Variants in PLEKHA6 observed in about 807,000 individuals in gnomAD.
PLEKHA6 encodes the protein pleckstrin homology domain containing A6.
Under a neutral mutation model 116.7 loss-of-function variants are expected in PLEKHA6, and 60 were observed. That is an observed-to-expected ratio of 0.51 (90% confidence interval 0.42 to 0.64). The LOEUF (loss-of-function observed/expected upper bound fraction) is 0.64. PLEKHA6 is among the 30% of genes least tolerant of loss of function. PLEKHA6 has a pLI of 0.00. For missense variants in PLEKHA6, 1,338 were observed against 1,422.7 expected, an observed-to-expected ratio of 0.94 and a Z score of 0.96; for synonymous variants, 489 against 556.1, an observed-to-expected ratio of 0.88 and a Z score of 1.70.
chr1:204,248,434 G>A (rs10900566), intron 12 of PLEKHA6, among the ~76,000 whole-genome samples: 99,497 of 151,974 alleles, frequency 0.65, 32,757 homozygotes, highest in East Asian at 0.82. Context: ...GATTATAGGC[G>A]TGAGCCACTG....
chr1:204,311,566 T>G (rs899184929), intron 1 of PLEKHA6: 33 of 955,648 alleles, frequency 3.5e-5, no homozygotes, highest in Admixed American at 6.2e-5. Flanking sequence ...GCTTCTTGAG[T>G]GTAACAAAAA....
chr1:204,332,260 G>A (rs911166387), intron 1 of PLEKHA6, among the ~76,000 whole-genome samples: 6 of 152,178 alleles, frequency 3.9e-5, no homozygotes, highest in African/African-American at 7.2e-5. Flanking sequence ...ACAGCTGCCT[G>A]CAAGCCACGC....
chr1:204,227,991 A>T, intron 21 of PLEKHA6, 92 bp downstream of exon 21: 1 of 1,304,240 alleles, frequency 7.7e-7, no homozygotes, highest in Non-Finnish European at 1.1e-6. Context: ...TCTCTTTGCT[A>T]CTGCCCCCCT....
At chr1:204,360,750 A>G (rs1179484109), upstream of PLEKHA6, among the ~76,000 whole-genome samples, 7 of 151,990 alleles carry the variant, frequency 4.6e-5, no homozygotes, top group Non-Finnish European at 7.4e-5. Flanking sequence ...CTCCTGCCCA[A>G]ATCGGTCTTG....
intron 12 of PLEKHA6, among the ~76,000 whole-genome samples, chr1:204,248,268 C>A (rs1664054594): frequency 6.8e-6 from 1 of 146,850 alleles, no homozygotes; most frequent in Non-Finnish European, 1.5e-5. Context: ...AAGCAATTCT[C>A]CTGCCTCAGC....
chr1:204,315,486 C>A (rs1197055701), intron 1 of PLEKHA6, among the ~76,000 whole-genome samples: 1 of 152,208 alleles, frequency 6.6e-6, no homozygotes, highest in Non-Finnish European at 1.5e-5. Flanking sequence ...CCCCCAGATG[C>A]CTGTTAAATC....
chr1:204,224,205 C>A (rs1017195307), intron 21 of PLEKHA6, among the ~76,000 whole-genome samples: 1 of 152,054 alleles, frequency 6.6e-6, no homozygotes, highest in Non-Finnish European at 1.5e-5. Context: ...CTGAGCAAAT[C>A]GAGACAAGCC....
chr1:204,230,255 T>A (rs1228413521), intron 18 of PLEKHA6, among the ~76,000 whole-genome samples, 158 bp downstream of exon 18: 1 of 152,264 alleles, frequency 6.6e-6, no homozygotes, highest in Non-Finnish European at 1.5e-5. Flanking sequence ...CTTCTGCCGA[T>A]GGGGGAGAGG....
intron 9 of PLEKHA6, among the ~76,000 whole-genome samples, chr1:204,254,193 C>T (rs997828741): frequency 6.6e-6 from 1 of 152,220 alleles, no homozygotes; most frequent in Non-Finnish European, 1.5e-5. Flanking sequence ...GAGTTGGAAT[C>T]CTGGGATCTG....
chr1:204,368,022 C>T (rs1224549928), intron 2 of PLEKHA6, among the ~76,000 whole-genome samples: 5 of 152,110 alleles, frequency 3.3e-5, no homozygotes, highest in African/African-American at 1.2e-4. Context: ...CTTTTTTGTC[C>T]GTGATTTCTA....
intron 1 of PLEKHA6, among the ~76,000 whole-genome samples, chr1:204,338,462 T>C (rs1466882520): frequency 2.6e-5 from 4 of 152,168 alleles, no homozygotes; most frequent in Admixed American, 6.5e-5. Flanking sequence ...GGAAGTGCAG[T>C]CTCAAATGTG....
chr1:204,236,233 G>T (rs1424906433), intron 17 of PLEKHA6, among the ~76,000 whole-genome samples: 3 of 152,194 alleles, frequency 2.0e-5, no homozygotes, highest in Admixed American at 6.5e-5. Flanking sequence ...GTTAAAAAAG[G>T]TTCTAATAGT....
Position 204,277,770 on chromosome 1 carries a change from C to T in PLEKHA6, c.-94-2961G>A, listed in dbSNP as rs1277812303. On this transcript the variant is annotated intron_variant, in intron 1 of 22. Coordinates refer to ENST00000272203, the MANE Select transcript of PLEKHA6 (RefSeq NM_014935.5). This position sits in a 1 kb window ranked among gnomAD's most constrained non-coding sequence, Gnocchi z 4.1. ...GGACAGGAGCATAATGAATGAAGGT[C>T]CTCTGCCCCTGTCCCTCCGACTTGC... 6.6e-6 allele frequency: 1 copy of T among 152,292 alleles called. No individual in the cohort carries two copies. The highest frequency in any genetic ancestry group is 2.4e-5 in the African/African-American group (1 of 41,462). 9.4% of individuals were successfully genotyped at this position (152,292 alleles called of 1,614,324 possible). A position where few individuals can be genotyped will look rare whatever the true frequency, so the allele number is the denominator to read the frequency against.
intron 1 of PLEKHA6, among the ~76,000 whole-genome samples, chr1:204,350,588 A>C (rs1365750887): frequency 6.6e-6 from 1 of 152,168 alleles, no homozygotes; most frequent in African/African-American, 2.4e-5. Flanking sequence ...GAAGGAACCC[A>C]CCGCTGACGG....
chr1:204,362,735 CAG>C (rs1401344644), upstream of PLEKHA6, among the ~76,000 whole-genome samples: 3 of 152,166 alleles, frequency 2.0e-5, no homozygotes, highest in Admixed American at 6.5e-5. Context: ...GTTTTACAGA[CAG>C]AGTCTTGCTA....
intron 6 of PLEKHA6, among the ~76,000 whole-genome samples, chr1:204,263,765 T>C (rs1666441064): frequency 1.3e-5 from 2 of 152,088 alleles, no homozygotes; most frequent in African/African-American, 4.8e-5. Flanking sequence ...TGTGTGTCTG[T>C]GTATAACAGG....
intron 1 of PLEKHA6, among the ~76,000 whole-genome samples, chr1:204,372,928 T>C (rs76250378): frequency 6.6e-6 from 1 of 151,512 alleles, no homozygotes; most frequent in Admixed American, 6.6e-5. Flanking sequence ...TTTTTTTTTT[T>C]TGACGGTCTC....
At chr1:204,312,219 T>C (rs1263665244) in intron 1 of PLEKHA6, among the ~76,000 whole-genome samples, 1 of 152,200 alleles carries the variant, frequency 6.6e-6, no homozygotes, top group African/African-American at 2.4e-5. Context: ...TGACAGTCGA[T>C]CATCTCTGCC....
At chr1:204,358,149 C>T (rs1293009322) in intron 1 of PLEKHA6, among the ~76,000 whole-genome samples, 5 of 152,234 alleles carry the variant, frequency 3.3e-5, no homozygotes, top group Admixed American at 2.6e-4. Flanking sequence ...CATTTATCAC[C>T]TCGCCGCTGA....
Sources: allele counts gnomAD v4.1 joint callset (sites outside exome capture counted in the v4.1 genomes callset), GRCh38; gene constraint gnomAD v4.1.1; non-coding constraint Gnocchi (gnomAD v3.1); transcripts MANE v1.5; gene names NCBI Gene and HGNC (gene_info 2026-07-23, HGNC 2026-07-21).